Variants in MRPS17 observed in about 807,000 individuals in gnomAD.
MRPS17 encodes mitochondrial ribosomal protein S17.
Under a neutral mutation model 11.3 loss-of-function variants are expected in MRPS17, and 6 were observed. The observed-to-expected ratio is 0.53, with a 90% CI of 0.29 to 1.05. The LOEUF is 1.05. Among genes scored for constraint, MRPS17 ranks in the 50% least tolerant of loss-of-function variants. The probability of loss-of-function intolerance (pLI) is 0.08; values close to 1 mark genes in which losing one functional copy is unlikely to be tolerated. For synonymous variants in MRPS17, 56 were observed against 60.4 expected (o/e 0.93, Z 0.34); for missense variants, 139 against 153.6 (o/e 0.90, Z 0.50).
chr7:55,954,941 C>T lies in MRPS17; in HGVS notation c.156C>T (p.His52=), dbSNP rs544032695. 31 of 1,614,082 alleles carry T rather than the reference C, an allele frequency of 1.9e-5. No individual in the cohort carries two copies. In the East Asian group the frequency reaches 4.0e-4, roughly 21 times the overall value. ...YFNKRKTYFA[H]DALQQCTVGD... is the part of the protein sequence containing the mutation. ...ATAAGCGGAAAACCTACTTTGCTCA[C>T]GATGCCCTTCAGCAGTGCACAGTTG... Residue 52 remains histidine (H), a synonymous_variant, in exon 3 of 3, where the codon CAC becomes CAT. Coordinates refer to ENST00000285298, the MANE Select transcript of MRPS17 (RefSeq NM_015969.3).
rs1786664400 is a variant in MRPS17 at position 55,952,882 on chromosome 7, A to G, written c.-17-297A>G. Among the ~76,000 whole-genome samples, 4 of 148,548 alleles carry G rather than the reference A, an allele frequency of 2.7e-5. 1 individual carries two copies. The South Asian group carries it at 8.4e-4, about 31-fold the overall frequency. On this transcript the variant is annotated intron_variant, in intron 1 of 2. Transcript: ENST00000285298. ...CCATCTCTACTAAAAATACAAAAAA[A>G]TTAGCCGGGCGTTGTGGCGGGCGCC... is the stretch of plus-strand genomic sequence containing the variant.
Position 55,955,158 on chromosome 7 carries a change from AAT to A in MRPS17, c.376_377del (p.Ile126LeufsTer29). On this transcript the variant is annotated frameshift_variant, in exon 3 of 3. Transcript: ENST00000285298. LOFTEE classifies it high-confidence loss of function. Reference protein sequence around the residue: ...TQLSKNLEELNISSAQ With the variant: ...TQLSKNLEELXISSAQ ...GCTAAGCAAAAATCTGGAAGAACTC[AAT>A]ATCTCTTCAGCACAGTGAAGCGGGA... 6.2e-7 allele frequency: 1 copy of A among 1,614,212 alleles called. No homozygotes were observed. The highest frequency in any genetic ancestry group is 8.5e-7 in the Non-Finnish European group (1 of 1,180,046).
Position 55,955,393 on chromosome 7 carries a change from G to C in MRPS17, c.*215G>C. On this transcript the variant is annotated 3_prime_UTR_variant, in exon 3 of 3. Transcript: ENST00000285298. ...ATCATTTCAGTGAACATACTTCCACGTTACATTAAGTGTGCCTAGCAGTCT... is the reference window on the plus strand; with the variant it reads ...ATCATTTCAGTGAACATACTTCCACCTTACATTAAGTGTGCCTAGCAGTCT... The C allele has an allele frequency of 1.7e-6, 1 of 582,728 alleles. No individual in the cohort carries two copies. The highest frequency in any genetic ancestry group is 2.1e-5 in the South Asian group (1 of 47,364). 36.1% of individuals were successfully genotyped at this position (582,728 alleles called of 1,614,324 possible).
rs1786673214 is a variant in MRPS17 at position 55,953,186 on chromosome 7, A to G, written c.-10A>G. On this transcript the variant is annotated 5_prime_UTR_variant, in exon 2 of 3. Coordinates refer to ENST00000285298, the MANE Select transcript of MRPS17 (RefSeq NM_015969.3). ...TTGGAATTTGCTTTTCAGGTGACCA[A>G]AGCCACGTAATGTCCGTAGTTCGCT... 11 of 1,613,326 alleles carry G rather than the reference A, an allele frequency of 6.8e-6. No homozygotes were observed. In the South Asian group the frequency reaches 1.2e-4, roughly 18 times the overall value.
chr7:55,954,284 A>C (rs1802064641), intron 2 of MRPS17, among the ~76,000 whole-genome samples: 1 of 152,162 alleles, frequency 6.6e-6, no homozygotes, highest in Non-Finnish European at 1.5e-5. Context: ...GATTAGAAAC[A>C]CAGGAGCAAG....
chr7:55,952,726 C>T (rs1302180400), intron 1 of MRPS17, among the ~76,000 whole-genome samples: 1 of 143,618 alleles, frequency 7.0e-6, no homozygotes, highest in African/African-American at 2.6e-5. Context: ...AAGAACTAAA[C>T]TTCATCTAAA....
chr7:55,955,038 G>A lies in MRPS17; in HGVS notation c.253G>A (p.Val85Ile), dbSNP rs750434472. The change falls in exon 3 of 3, where the codon GTT becomes ATT. Residue 85 changes from valine (V) to isoleucine (I), a missense_variant. By Grantham distance (29) the Val-to-Ile change is conservative. Transcript: ENST00000285298. Reference sequence around the variant, plus strand: ...TGTGAAACATGAACTGGCTGAGATCGTTTTCAAAGTTGGAAAAGTCATAGA... The same window carrying A: ...TGTGAAACATGAACTGGCTGAGATCATTTTCAAAGTTGGAAAAGTCATAGA... ...KHVKHELAEI[V>I]FKVGKVIDPV... 64 of 1,614,034 alleles carry A rather than the reference G, an allele frequency of 4.0e-5. No homozygotes were observed. Among genetic ancestry groups the A allele is most frequent in the Non-Finnish European group, 4.6e-5 (54 of 1,180,046 alleles).
intron 2 of MRPS17, among the ~76,000 whole-genome samples, chr7:55,954,611 T>A (rs1160278518): frequency 6.6e-6 from 1 of 152,142 alleles, no homozygotes; most frequent in Non-Finnish European, 1.5e-5. Flanking sequence ...CAGGCACCTG[T>A]AATTCCAGCT....
In MRPS17 at chr7:55,953,308, A is replaced by C. The variant is rs546835814; in HGVS notation, c.113A>C (p.Tyr38Ser). The C allele has an allele frequency of 2.5e-6, 4 of 1,613,826 alleles. No homozygotes were observed. Among genetic ancestry groups the C allele is most frequent in the Non-Finnish European group, 3.4e-6 (4 of 1,180,002 alleles). Residue 38 changes from tyrosine (Y) to serine (S), a missense_variant, in exon 2 of 3, where the codon TAT (tyrosine) becomes TCT (serine). Transcript: ENST00000285298. The part of the protein sequence containing the change: ...VRVTRLVLDP[Y>S]LLKYFNKRKT... ...GTGACCAGGCTTGTTCTGGATCCCT[A>C]TTTATTAAAGGTGAGAAACATTCTT... is the stretch of plus-strand genomic sequence containing the variant.
At chr7:55,954,059 G>C (rs1786690310) in intron 2 of MRPS17, among the ~76,000 whole-genome samples, 1 of 152,160 alleles carries the variant, frequency 6.6e-6, no homozygotes, top group Admixed American at 6.6e-5. Flanking sequence ...AAGACTGGAG[G>C]TAAGGGAATG....
At position 55,954,901 on chromosome 7, in the gene MRPS17, C is replaced by A; in HGVS notation, c.124-8C>A. 6.2e-7 allele frequency: 1 copy of A among 1,611,228 alleles called. No individual in the cohort carries two copies. Among genetic ancestry groups the A allele is most frequent in the South Asian group, 1.1e-5 (1 of 90,862 alleles). On this transcript the variant is annotated splice_region_variant and splice_polypyrimidine_tract_variant and intron_variant, in intron 2 of 2. Coordinates refer to ENST00000285298, the MANE Select transcript of MRPS17 (RefSeq NM_015969.3). ...ACTACTGATTTGCTTCTCTCCCTCTCTCAACAGTATTTTAATAAGCGGAAA... is the reference window on the plus strand; with the variant it reads ...ACTACTGATTTGCTTCTCTCCCTCTATCAACAGTATTTTAATAAGCGGAAA...
chr7:55,954,857 T>G lies in MRPS17; in HGVS notation c.124-52T>G, dbSNP rs1386650836. ...TACTTTTTCATATTACATATTACAT[T>G]ACCAGGTCACAGATGGGAACTACTG... On this transcript the variant is annotated intron_variant, in intron 2 of 2. Transcript: ENST00000285298. The G allele has an allele frequency of 5.1e-6, 8 of 1,579,374 alleles. No individual in the cohort carries two copies. In the East Asian group the frequency reaches 1.6e-4, roughly 31 times the overall value.
intron 1 of MRPS17, among the ~76,000 whole-genome samples, chr7:55,952,757 C>A (rs894182252): frequency 2.5e-4 from 38 of 150,328 alleles, no homozygotes; most frequent in Admixed American, 1.1e-3. Context: ...TATGGCCGGG[C>A]GCGGTGGCTC....
At chr7:55,953,046 A>G (rs1343735469) in intron 1 of MRPS17, 133 bp from the exon 2 acceptor site, 6 of 1,046,898 alleles carry the variant, frequency 5.7e-6, no homozygotes, top group Non-Finnish European at 8.4e-6. Flanking sequence ...AAAACAAAAC[A>G]AAACTGTTTC....
intron 2 of MRPS17, 66 bp downstream of exon 2, chr7:55,953,384 A>C (rs1786677858): frequency 6.3e-7 from 1 of 1,582,282 alleles, no homozygotes; most frequent in African/African-American, 1.4e-5. Context: ...TCCTAAGCAA[A>C]AAAACATTTA....
intron 1 of MRPS17, among the ~76,000 whole-genome samples, chr7:55,952,608 G>A (rs1054546540): frequency 6.6e-6 from 1 of 152,068 alleles, no homozygotes; most frequent in Non-Finnish European, 1.5e-5. Flanking sequence ...GGTGGTGCGG[G>A]CCTGTAGTCC....
At chr7:55,954,204 T>C (rs903005554) in intron 2 of MRPS17, among the ~76,000 whole-genome samples, 2 of 152,120 alleles carry the variant, frequency 1.3e-5, no homozygotes, top group Non-Finnish European at 1.5e-5. Flanking sequence ...AGGGGACGGA[T>C]AGGTGCCAAG....
rs185730440 is a variant in MRPS17 at position 55,955,537 on chromosome 7, C to T, written c.*359C>T. 8.4e-5 allele frequency: 15 copies of T among 178,506 alleles called. No homozygotes were observed. Among genetic ancestry groups the T allele is most frequent in the South Asian group, 4.7e-4 (4 of 8,460 alleles). The allele number at this position is 178,506 out of a possible 1,614,324, so 11.1% of individuals were successfully genotyped here. On this transcript the variant is annotated 3_prime_UTR_variant, in exon 3 of 3. Transcript: ENST00000285298. ...CAAGCTCCGCCTCCCGGGTTCACGC[C>T]GTTCTCCTGCCTCAGCCTCCCGAGT... is the stretch of plus-strand genomic sequence containing the variant.
rs1484861808 is a variant in MRPS17, at chr7:55,955,764, G to A, written c.*586G>A. 2 of 151,302 alleles carry A rather than the reference G, an allele frequency of 1.3e-5. No homozygotes were observed. Among genetic ancestry groups the A allele is most frequent in the African/African-American group, 2.5e-5 (1 of 40,806 alleles). 9.4% of individuals were successfully genotyped at this position (151,302 alleles called of 1,614,324 possible). ...GCTTAGCAAGCTCACTGTTTTAGAA[G>A]GTTTTATTTTTGTCTTTTGAGACAG... On this transcript the variant is annotated 3_prime_UTR_variant, in exon 3 of 3. Coordinates refer to ENST00000285298, the MANE Select transcript of MRPS17 (RefSeq NM_015969.3).
Sources: allele counts gnomAD v4.1 joint callset (sites outside exome capture counted in the v4.1 genomes callset), GRCh38; gene constraint gnomAD v4.1.1; transcripts MANE v1.5; gene names NCBI Gene and HGNC (gene_info 2026-07-23, HGNC 2026-07-21).